RPGR: variants seen among roughly 807,000 people sequenced by gnomAD.
RPGR encodes the protein retinitis pigmentosa GTPase regulator.
In RPGR, 10 loss-of-function variants were observed where a neutral mutation model predicts 56.3. That is an observed-to-expected ratio of 0.18 (90% CI 0.11 to 0.30). RPGR has a LOEUF of 0.30. Among genes scored for constraint, RPGR ranks in the 10% least tolerant of loss-of-function variants. The probability of loss-of-function intolerance (pLI) is 1.00; values close to 1 mark genes in which losing one functional copy is unlikely to be tolerated. For synonymous variants in RPGR, 197 were observed against 212.9 expected, an observed-to-expected ratio of 0.93 and a Z score of 0.65; for missense variants, 538 against 590.9, an observed-to-expected ratio of 0.91 and a Z score of 0.93.
intron 6 of RPGR, among the ~76,000 whole-genome samples, chrX:38,313,949 TTAC>T (rs1159702202): frequency 8.9e-6 from 1 of 112,010 alleles, no homozygotes; most frequent in Non-Finnish European, 1.9e-5. Flanking sequence ...GTAAAATGTT[TTAC>T]CTATAAAGCA....
intron 15 of RPGR, 95 bp downstream of exon 15, chrX:38,284,313 G>A (rs1381555449): frequency 3.7e-6 from 1 of 273,728 alleles, no homozygotes; most frequent in Non-Finnish European, 5.0e-6. Flanking sequence ...AATTTTAAGG[G>A]ACAATTGAAA....
intron 11 of RPGR, among the ~76,000 whole-genome samples, chrX:38,295,113 C>G (rs188586783): frequency 8.9e-6 from 1 of 112,040 alleles, no homozygotes; most frequent in Non-Finnish European, 1.9e-5. Context: ...AATTTTTCAC[C>G]ATCTCTTTCT....
intron 3 of RPGR, among the ~76,000 whole-genome samples, chrX:38,322,288 A>G (rs1032684642): frequency 8.9e-6 from 1 of 111,770 alleles, no homozygotes; most frequent in East Asian, 2.8e-4. Flanking sequence ...AACATCCAGA[A>G]AGCTTTGTAA....
At chrX:38,302,030 G>A (rs1448475275) in intron 8 of RPGR, among the ~76,000 whole-genome samples, 1 of 111,872 alleles carries the variant, frequency 8.9e-6, no homozygotes, top group Non-Finnish European at 1.9e-5. Context: ...GAATACTGTT[G>A]AAGTAAATGC....
At chrX:38,299,231 A>G in intron 9 of RPGR, 90 bp from the exon 10 acceptor site, 18 of 942,993 alleles carry the variant, frequency 1.9e-5, no homozygotes, top group Non-Finnish European at 2.7e-5. Flanking sequence ...ACATTTATTT[A>G]GTGGTAGGCT....
At chrX:38,284,986 C>CA (rs2067101156) in intron 15 of RPGR, 1 of 753,204 alleles carries the variant, frequency 1.3e-6, no homozygotes, top group Admixed American at 8.6e-5. Context: ...TAGATTTTTG[C>CA]AAAAAGAACA....
chrX:38,297,756 C>A (rs2067416162), intron 10 of RPGR, among the ~76,000 whole-genome samples: 1 of 111,616 alleles, frequency 9.0e-6, no homozygotes, highest in Admixed American at 9.5e-5. Context: ...AAATTAACAA[C>A]AACTACAAAA....
At chrX:38,314,696 T>G (rs2067784789) in intron 6 of RPGR, among the ~76,000 whole-genome samples, 1 of 112,052 alleles carries the variant, frequency 8.9e-6, no homozygotes, top group Admixed American at 9.5e-5. Context: ...TTTATATAAT[T>G]TATAATATGA....
At chrX:38,324,455 C>T (rs1322787716) in intron 1 of RPGR, among the ~76,000 whole-genome samples, 1 of 110,259 alleles carries the variant, frequency 9.1e-6, no homozygotes, top group Non-Finnish European at 1.9e-5. Flanking sequence ...CCCATAAAAC[C>T]GGAGACAGCA....
In RPGR at chrX:38,317,430, C is replaced by T. The variant is rs369037463; in HGVS notation, c.505G>A (p.Glu169Lys). The T allele has an allele frequency of 1.7e-6, 2 of 1,207,720 alleles. No homozygotes were observed. Among genetic ancestry groups the T allele is most frequent in the Non-Finnish European group, 2.2e-6 (2 of 893,785 alleles). ...ACATTTTTTAAACCAATTTGCCCTT[C>T]GGAATTGTCACCCCACATAAAAAGT... Residue 169 changes from glutamate (E) to lysine (K), a missense_variant, in exon 6 of 19, where the codon GAA becomes AAA. By Grantham distance (56) the Glu-to-Lys change is moderately conservative (BLOSUM62 1). Coordinates refer to ENST00000642395, the MANE Select transcript of RPGR (RefSeq NM_000328.3).
chrX:38,298,922 T>C, intron 10 of RPGR, 34 bp downstream of exon 10: 1 of 1,191,179 alleles, frequency 8.4e-7, no homozygotes, highest in Non-Finnish European at 1.1e-6. Context: ...CAGTGCTAGA[T>C]AATACTATTA....
chrX:38,276,457 A>ATTCATGT, intron 16 of RPGR: 1 of 641,683 alleles, frequency 1.6e-6, no homozygotes, highest in Admixed American at 2.7e-5. Context: ...ATGGCACATG[A>ATTCATGT]ATTCATGTAT....
chrX:38,287,839 C>G (rs756318294), intron 14 of RPGR, 22 bp downstream of exon 14: 72 of 1,197,794 alleles, frequency 6.0e-5, no homozygotes, highest in Non-Finnish European at 8.0e-5. Flanking sequence ...AGCCTGAGGT[C>G]CCACCTGGCC....
At chrX:38,312,351 C>T (rs768766079) in intron 6 of RPGR, among the ~76,000 whole-genome samples, 1 of 111,253 alleles carries the variant, frequency 9.0e-6, no homozygotes, top group African/African-American at 3.3e-5. Context: ...TTCCTGATTC[C>T]CTTTACACCT....
intron 1 of RPGR, 118 bp from the exon 2 acceptor site, chrX:38,323,642 C>G (rs2067990369): frequency 5.2e-6 from 4 of 776,159 alleles, no homozygotes; most frequent in Admixed American, 5.4e-5. Context: ...TGCCCCCACT[C>G]TGGCAATGTT....
intron 13 of RPGR, 60 bp from the exon 14 acceptor site, chrX:38,288,101 T>C: frequency 1.0e-6 from 1 of 990,007 alleles, no homozygotes; most frequent in Middle Eastern, 3.2e-4. Context: ...CAAGGACAAC[T>C]TATCTACTTT....
At chrX:38,326,168 C>T in intron 1 of RPGR, among the ~76,000 whole-genome samples, 1 of 111,370 alleles carries the variant, frequency 9.0e-6, no homozygotes, top group South Asian at 3.8e-4. Context: ...TCCCTGATAC[C>T]CTCATCCCAA....
rs754396873 is a variant in RPGR, at chrX:38,275,784, A to AT, written c.2092-639dup. On this transcript the variant is annotated intron_variant, in intron 16 of 18. Coordinates refer to ENST00000642395, the MANE Select transcript of RPGR (RefSeq NM_000328.3). Reference sequence around the variant, plus strand: ...TGGAGCTAAAAGAGAATACATTTACATGAGAAGAGCCTTGCAACAGACCAA... The same window carrying AT: ...TGGAGCTAAAAGAGAATACATTTACATTGAGAAGAGCCTTGCAACAGACCAA... 1.6e-4 allele frequency among the ~76,000 whole-genome samples: 17 copies of AT among 105,611 alleles called. No homozygotes were observed. The East Asian group carries it at 4.9e-3, about 31-fold the overall frequency. The allele number at this position is 105,611 out of a possible 115,157, so 91.7% of individuals were successfully genotyped here.
At chrX:38,319,101 C>A in intron 4 of RPGR, 114 bp from the exon 5 acceptor site, 1 of 770,357 alleles carries the variant, frequency 1.3e-6, no homozygotes, top group Non-Finnish European at 1.9e-6. Flanking sequence ...AAAGCTATCA[C>A]TATCCTATTA....
Sources: gnomAD v4.1 joint callset for allele counts (sites outside exome capture counted in the v4.1 genomes callset) on GRCh38, gnomAD v4.1.1 for gene constraint, MANE v1.5 for transcripts, NCBI Gene and HGNC (gene_info 2026-07-23, HGNC 2026-07-21) for gene names.